Variants in SLC9A9 observed in about 807,000 individuals in gnomAD.
The protein encoded by SLC9A9 is sodium/hydrogen exchanger 9.
In SLC9A9, 62 loss-of-function variants were observed where a neutral mutation model predicts 77.8. That is an observed-to-expected ratio of 0.80 (90% confidence interval 0.65 to 0.98). The LOEUF (loss-of-function observed/expected upper bound fraction) is 0.98, where lower values mean the gene tolerates loss of function less well. Among genes scored for constraint, SLC9A9 ranks in the 50% least tolerant of loss-of-function variants. The pLI is 0.00. For missense variants in SLC9A9, 775 were observed against 774.9 expected (o/e 1.00, Z 0.00); for synonymous variants, 320 against 283.5 (o/e 1.13, Z -1.29).
At chr3:143,806,174 C>G (rs570538179) in intron 2 of SLC9A9, among the ~76,000 whole-genome samples, 13 of 144,208 alleles carry the variant, frequency 9.0e-5, no homozygotes, top group Admixed American at 5.6e-4. Flanking sequence ...TCATCAAAAT[C>G]AAATGTATGG....
At chr3:143,494,790 A>C (rs538244039) in intron 10 of SLC9A9, among the ~76,000 whole-genome samples, 1 of 152,358 alleles carries the variant, frequency 6.6e-6, no homozygotes, top group South Asian at 2.1e-4. Flanking sequence ...ATAGGAAAGG[A>C]AGGGTGCTAT....
intron 6 of SLC9A9, among the ~76,000 whole-genome samples, chr3:143,639,492 G>GATGCATACAGAT (rs2038585079): frequency 6.6e-6 from 1 of 152,150 alleles, no homozygotes; most frequent in African/African-American, 2.4e-5. Context: ...GATGCATCAT[G>GATGCATACAGAT]ACAAAAGTAT....
At chr3:143,486,408 G>A (rs529566170) in intron 11 of SLC9A9, among the ~76,000 whole-genome samples, 41 of 151,948 alleles carry the variant, frequency 2.7e-4, no homozygotes, top group Non-Finnish European at 4.9e-4. Flanking sequence ...CAATTAAAAA[G>A]CTAGTATTAT....
At chr3:143,769,712 A>G (rs1363904287) in intron 4 of SLC9A9, among the ~76,000 whole-genome samples, 2 of 152,232 alleles carry the variant, frequency 1.3e-5, no homozygotes, top group Non-Finnish European at 2.9e-5. Flanking sequence ...AAACATTAAT[A>G]TCCCAGGAAA....
Position 143,607,694 on chromosome 3 carries a change from G to T in SLC9A9, c.756-28971C>A, listed in dbSNP as rs115646196. Among the ~76,000 whole-genome samples, 960 of 151,930 alleles carry T rather than the reference G, an allele frequency of 6.3e-3. 12 individuals carry two copies. Among genetic ancestry groups the T allele is most frequent in the African/African-American group, 0.022 (911 of 41,504 alleles). ...GAACAACAACAACAAAAGGGACATAGAGAATTCAATAATCAATCCAAACAA... is the reference window on the plus strand; with the variant it reads ...GAACAACAACAACAAAAGGGACATATAGAATTCAATAATCAATCCAAACAA... On this transcript the variant is annotated intron_variant, in intron 6 of 15. Transcript: ENST00000316549.
At chr3:143,278,628 TTGACA>T (rs1938123363) in intron 14 of SLC9A9, among the ~76,000 whole-genome samples, 1 of 152,218 alleles carries the variant, frequency 6.6e-6, no homozygotes, top group Admixed American at 6.5e-5. Flanking sequence ...GTTCTATGTC[TTGACA>T]TGATCACCTT....
intron 5 of SLC9A9, among the ~76,000 whole-genome samples, chr3:143,687,966 T>C (rs151176751): frequency 6.6e-6 from 1 of 152,048 alleles, no homozygotes; most frequent in African/African-American, 2.4e-5. Context: ...TCTTACCAAG[T>C]TGGATCCCTC....
chr3:143,783,832 T>G (rs946136076), intron 4 of SLC9A9, among the ~76,000 whole-genome samples: 2 of 152,180 alleles, frequency 1.3e-5, no homozygotes, highest in African/African-American at 4.8e-5. Flanking sequence ...TTTAAATTAC[T>G]CTCCAAGGCC....
Position 143,417,343 on chromosome 3 carries a change from C to A in SLC9A9, c.1470-35229G>T, listed in dbSNP as rs114863171. 7.7e-3 allele frequency among the ~76,000 whole-genome samples: 1,169 copies of A among 152,136 alleles called. 15 individuals are homozygous for A. The highest frequency in any genetic ancestry group is 0.026 in the African/African-American group (1,094 of 41,476). On this transcript the variant is annotated intron_variant, in intron 12 of 15. Transcript: ENST00000316549. ...AAAGTTTACATGTTGAATTCCCAAC[C>A]CCCAACATGCCTGTATTTTGGGATA...
intron 4 of SLC9A9, among the ~76,000 whole-genome samples, chr3:143,743,284 TAGATAGACAGAC>T (rs1170554104): frequency 2.5e-5 from 3 of 119,526 alleles, no homozygotes; most frequent in African/African-American, 9.3e-5. Context: ...GATAGATAGA[TAGATAGACAGAC>T]AGATAGATAG....
intron 5 of SLC9A9, among the ~76,000 whole-genome samples, chr3:143,664,261 T>C (rs1576643593): frequency 1.3e-5 from 2 of 152,284 alleles, no homozygotes; most frequent in East Asian, 3.9e-4. Flanking sequence ...AATAAAATCC[T>C]TTCCAGACAA....
At chr3:143,390,482 G>C (rs1335633004) in intron 12 of SLC9A9, among the ~76,000 whole-genome samples, 1 of 152,160 alleles carries the variant, frequency 6.6e-6, no homozygotes, top group Non-Finnish European at 1.5e-5. Context: ...GTTCCAAGAT[G>C]GCCAAATAAG....
intron 12 of SLC9A9, among the ~76,000 whole-genome samples, chr3:143,455,366 A>G (rs536331625): frequency 1.3e-4 from 20 of 152,194 alleles, no homozygotes; most frequent in Admixed American, 2.6e-4. Flanking sequence ...TTCCAACTTC[A>G]TTCTTTTTGA....
intron 4 of SLC9A9, among the ~76,000 whole-genome samples, chr3:143,782,607 G>A (rs1204349766): frequency 1.3e-5 from 2 of 152,178 alleles, no homozygotes; most frequent in East Asian, 3.9e-4. Context: ...GATAATGAAT[G>A]CTGAATGGTC....
intron 9 of SLC9A9, among the ~76,000 whole-genome samples, chr3:143,498,460 A>G (rs1576537302): frequency 1.3e-5 from 2 of 152,224 alleles, no homozygotes; most frequent in East Asian, 3.9e-4. Flanking sequence ...AGGCTGAGTC[A>G]GGAGAATAAC....
chr3:143,353,362 G>T (rs1056204243), intron 14 of SLC9A9, among the ~76,000 whole-genome samples: 16 of 152,188 alleles, frequency 1.1e-4, no homozygotes, highest in South Asian at 2.1e-4. Flanking sequence ...ATTAGGTAAT[G>T]CGAGTTCTGC....
chr3:143,770,330 G>A (rs2007473651), intron 4 of SLC9A9, among the ~76,000 whole-genome samples: 1 of 152,086 alleles, frequency 6.6e-6, no homozygotes, highest in African/African-American at 2.4e-5. Context: ...TAAGGTACTA[G>A]TGCTTAAAAA....
At chr3:143,740,434 T>C (rs1935047501) in intron 4 of SLC9A9, among the ~76,000 whole-genome samples, 1 of 152,208 alleles carries the variant, frequency 6.6e-6, no homozygotes, top group Non-Finnish European at 1.5e-5. Context: ...TTTTCATTAA[T>C]ATGGCTCAGT....
At chr3:143,408,112 A>G (rs1488844513) in intron 12 of SLC9A9, among the ~76,000 whole-genome samples, 1 of 152,202 alleles carries the variant, frequency 6.6e-6, no homozygotes, top group East Asian at 1.9e-4. Context: ...CACTAATTCT[A>G]TCAGATCGGG....
Sources: allele counts gnomAD v4.1 joint callset (sites outside exome capture counted in the v4.1 genomes callset), GRCh38; gene constraint gnomAD v4.1.1; transcripts MANE v1.5; gene names NCBI Gene and HGNC (gene_info 2026-07-23, HGNC 2026-07-21).